Variants in UGT1A3 observed in about 807,000 individuals in gnomAD.
UGT1A3 encodes the protein UDP-glucuronosyltransferase 1A3.
A neutral mutation model predicts 41.0 loss-of-function variants in UGT1A3; 31 were observed. The observed-to-expected ratio is 0.76, with a 90% CI of 0.57 to 1.02. UGT1A3 has a LOEUF of 1.02. UGT1A3 is among the 50% of genes least tolerant of loss of function. The pLI, the probability that UGT1A3 is intolerant of heterozygous loss-of-function variation, is 0.00. For missense variants in UGT1A3, 737 were observed against 671.0 expected (o/e 1.10, Z -1.09); for synonymous variants, 262 against 257.6 (o/e 1.02, Z -0.17).
At chr2:233,747,366 C>A in intron 1 of UGT1A3, 1 of 1,604,318 alleles carries the variant, frequency 6.2e-7, no homozygotes, top group Non-Finnish European at 8.5e-7. Context: ...GCGGGAGCTC[C>A]ATGCCAGAGG....
intron 4 of UGT1A3, chr2:233,771,176 C>A (rs887864017): frequency 1.1e-4 from 17 of 152,256 alleles, no homozygotes; most frequent in African/African-American, 4.1e-4. Context: ...CTGGGGATTA[C>A]AATTCAACAT....
intron 1 of UGT1A3, chr2:233,747,527 T>C: frequency 6.2e-7 from 1 of 1,605,936 alleles, no homozygotes; most frequent in Non-Finnish European, 8.5e-7. Flanking sequence ...AAACAGAACA[T>C]TTTCTGAAGA....
intron 1 of UGT1A3, among the ~76,000 whole-genome samples, chr2:233,742,165 C>A (rs1314313900): frequency 2.0e-5 from 3 of 151,916 alleles, no homozygotes; most frequent in Non-Finnish European, 2.9e-5. Context: ...AAGACACACA[C>A]ACAGAAATAT....
At chr2:233,752,742 C>T (rs1695047003) in intron 1 of UGT1A3, among the ~76,000 whole-genome samples, 1 of 152,068 alleles carries the variant, frequency 6.6e-6, no homozygotes, top group South Asian at 2.1e-4. Flanking sequence ...GAGACCCTGT[C>T]TCTAAAACAA....
rs752305202 is a variant in UGT1A3, at chr2:233,769,534, G to A, written c.1307+1095G>A. ...CTCCCATGGTTACCTCCTTTAGAAA[G>A]AAGCAGCAGTCAGGAAGACAGATGT... On this transcript the variant is annotated intron_variant, in intron 4 of 4. Transcript: ENST00000482026. This position sits in a 1 kb window ranked among gnomAD's most constrained non-coding sequence, Gnocchi z 4.4. 1.9e-6 allele frequency: 3 copies of A among 1,612,926 alleles called. No homozygotes were observed. Among genetic ancestry groups the A allele is most frequent in the Non-Finnish European group, 2.5e-6 (3 of 1,179,884 alleles).
chr2:233,771,968 G>A (rs942006859), intron 4 of UGT1A3, among the ~76,000 whole-genome samples: 1 of 152,094 alleles, frequency 6.6e-6, no homozygotes, highest in Non-Finnish European at 1.5e-5. Context: ...TTTAAAAATT[G>A]GCCAGACATA....
intron 4 of UGT1A3, chr2:233,770,769 A>G (rs771897694): frequency 2.6e-5 from 4 of 152,220 alleles, no homozygotes; most frequent in Non-Finnish European, 2.9e-5. Flanking sequence ...CATTATAATA[A>G]TGTTTCCAAA....
chr2:233,769,469 G>T lies in UGT1A3; in HGVS notation c.1307+1030G>T. On this transcript the variant is annotated intron_variant, in intron 4 of 4. Coordinates refer to ENST00000482026, the MANE Select transcript of UGT1A3 (RefSeq NM_019093.4). The surrounding 1 kb of genome is among the most constrained non-coding windows in gnomAD (Gnocchi z 4.4). ...CACACGTGTGCATTCATATGCGTGT[G>T]TGTGTGTGTGCGTGTGTTTATGAGA... 2 of 1,610,132 alleles carry T rather than the reference G, an allele frequency of 1.2e-6. No homozygotes were observed.
intron 1 of UGT1A3, chr2:233,743,535 C>T: frequency 7.3e-7 from 1 of 1,367,194 alleles, no homozygotes; most frequent in Non-Finnish European, 9.8e-7. Flanking sequence ...CCCAGCAGTT[C>T]CTCTGACCCC....
At chr2:233,771,766 C>A (rs1025155606) in intron 4 of UGT1A3, among the ~76,000 whole-genome samples, 2 of 151,968 alleles carry the variant, frequency 1.3e-5, no homozygotes, top group Admixed American at 6.6e-5. Context: ...CTTCCTCCGT[C>A]CCTCTCTCCT....
rs1224727482 is a variant in UGT1A3, at chr2:233,769,496, T to C, written c.1307+1057T>C. 1 of 1,612,570 alleles carries C rather than the reference T, an allele frequency of 6.2e-7. No homozygotes were observed. The highest frequency in any genetic ancestry group is 8.5e-7 in the Non-Finnish European group (1 of 1,179,780). Reference sequence around the variant, plus strand: ...GTGTGTGTGCGTGTGTTTATGAGAGTGTCCATTGCTTTCTCCCATGGTTAC... The same window carrying C: ...GTGTGTGTGCGTGTGTTTATGAGAGCGTCCATTGCTTTCTCCCATGGTTAC... On this transcript the variant is annotated intron_variant, in intron 4 of 4. Coordinates refer to ENST00000482026, the MANE Select transcript of UGT1A3 (RefSeq NM_019093.4). The surrounding 1 kb of genome is among the most constrained non-coding windows in gnomAD (Gnocchi z 4.4).
rs371183955 is a variant in UGT1A3, at chr2:233,772,416, C to T, written c.1462C>T (p.His488Tyr). 1.7e-5 allele frequency: 28 copies of T among 1,614,228 alleles called. 1 individual carries two copies. The East Asian group carries it at 2.5e-4, about 14-fold the overall frequency. ...AAHDLTWYQY[H>Y]SLDVIGFLLA... ...CCACGACCTCACCTGGTACCAGTAC[C>T]ATTCCTTGGACGTGATTGGTTTCCT... Residue 488 changes from histidine to tyrosine, a missense_variant, in exon 5 of 5, where the codon CAT becomes TAT. Transcript: ENST00000482026.
rs1247902787 is a variant in UGT1A3 at position 233,740,991 on chromosome 2, GAGGA to G, written c.867+11003_867+11006del. The G allele has an allele frequency of 1.6e-4, 25 of 151,764 alleles. 2 individuals are homozygous for G. Among genetic ancestry groups the G allele is most frequent in the African/African-American group, 6.1e-4 (25 of 41,070 alleles). 9.4% of individuals were successfully genotyped at this position (151,764 alleles called of 1,614,324 possible). A position where few individuals can be genotyped will look rare whatever the true frequency, so the allele number is the denominator to read the frequency against. ...AGTCCTAGCTACTGGGAATGCTGAGGAGGAAGGATCACTTGAGCCCAGGAATTCG... is the reference window on the plus strand; with the variant it reads ...AGTCCTAGCTACTGGGAATGCTGAGGAGGATCACTTGAGCCCAGGAATTCG... On this transcript the variant is annotated intron_variant, in intron 1 of 4. Coordinates refer to ENST00000482026, the MANE Select transcript of UGT1A3 (RefSeq NM_019093.4).
intron 1 of UGT1A3, among the ~76,000 whole-genome samples, chr2:233,766,036 G>T (rs1393520685): frequency 6.6e-6 from 1 of 152,138 alleles, no homozygotes; most frequent in Non-Finnish European, 1.5e-5. Context: ...GCCCTCTATA[G>T]TCAGCTTGTG....
intron 1 of UGT1A3, chr2:233,755,082 TCGCGTTTCTA>T (rs745681833): frequency 9.0e-6 from 12 of 1,336,714 alleles, no homozygotes; most frequent in Middle Eastern, 2.1e-4. Context: ...GTCATAGATA[TCGCGTTTCTA>T]CGCGTCCGAC....
rs1208281269 is a variant in UGT1A3 at position 233,769,345 on chromosome 2, G to C, written c.1307+906G>C. Among the ~76,000 whole-genome samples, 1 of 152,210 alleles carries C rather than the reference G, an allele frequency of 6.6e-6. No individual in the cohort carries two copies. The highest frequency in any genetic ancestry group is 1.5e-5 in the Non-Finnish European group (1 of 68,032). On this transcript the variant is annotated intron_variant, in intron 4 of 4. Coordinates refer to ENST00000482026, the MANE Select transcript of UGT1A3 (RefSeq NM_019093.4). This position sits in a 1 kb window ranked among gnomAD's most constrained non-coding sequence, Gnocchi z 4.4. ...GTAATAGGCTTATTAGAACCTTATG[G>C]GAAGAAGTGGTGGCCAGTGGTAGAT...
At chr2:233,754,805 AG>A (rs755746097) in intron 1 of UGT1A3, 241 of 1,294,792 alleles carry the variant, frequency 1.9e-4, no homozygotes, top group Non-Finnish European at 2.3e-4. Context: ...TATCAAAAGA[AG>A]AAAAACCACC....
intron 1 of UGT1A3, among the ~76,000 whole-genome samples, chr2:233,737,837 G>A (rs2125811418): frequency 6.6e-6 from 1 of 152,130 alleles, no homozygotes; most frequent in South Asian, 2.1e-4. Flanking sequence ...GGGAACTGTG[G>A]CACAGGTCAC....
chr2:233,752,826 C>T (rs372866711), intron 1 of UGT1A3, among the ~76,000 whole-genome samples: 1 of 152,184 alleles, frequency 6.6e-6, no homozygotes, highest in East Asian at 1.9e-4. Context: ...TTTATGACAT[C>T]AGTAATCTAG....
Sources: allele counts gnomAD v4.1 joint callset (sites outside exome capture counted in the v4.1 genomes callset), GRCh38; gene constraint gnomAD v4.1.1; non-coding constraint Gnocchi (gnomAD v3.1); transcripts MANE v1.5; gene names NCBI Gene and HGNC (gene_info 2026-07-23, HGNC 2026-07-21).